SLC44A5: variants seen among roughly 807,000 people sequenced by gnomAD.
SLC44A5 encodes solute carrier family 44 member 5.
In SLC44A5, 57 loss-of-function variants were observed where a neutral mutation model predicts 101.8. The ratio of observed to expected loss-of-function variants is 0.56; its 90% CI spans 0.45 to 0.70. The LOEUF is 0.70. Ranked by LOEUF, SLC44A5 falls within the 30% of genes least tolerant of loss-of-function variation. SLC44A5 has a pLI of 0.00. For missense variants in SLC44A5, 737 were observed against 853.1 expected (o/e 0.86, Z 1.70); for synonymous variants, 281 against 290.9 (o/e 0.97, Z 0.35).
the SLC44A5 span, among the ~76,000 whole-genome samples, chr1:75,672,134 C>A: frequency 6.6e-6 from 1 of 152,086 alleles, no homozygotes; most frequent in Non-Finnish European, 1.5e-5. Context: ...GTTTGCCATG[C>A]AAACCAACAA....
At chr1:75,265,709 T>C (rs1650928046) in intron 6 of SLC44A5, among the ~76,000 whole-genome samples, 1 of 152,190 alleles carries the variant, frequency 6.6e-6, no homozygotes, top group African/African-American at 2.4e-5. Context: ...ATATTACATA[T>C]CAGTTTTAAA....
chr1:75,319,580 T>C (rs1426912700), intron 4 of SLC44A5, among the ~76,000 whole-genome samples: 1 of 152,132 alleles, frequency 6.6e-6, no homozygotes, highest in Non-Finnish European at 1.5e-5. Context: ...AGTTCTGCCT[T>C]TTTTTCTCCT....
chr1:75,330,138 C>CATAT (rs1656919589), intron 4 of SLC44A5, among the ~76,000 whole-genome samples: 5 of 137,074 alleles, frequency 3.6e-5, no homozygotes, highest in African/African-American at 6.3e-5. Context: ...CACACACACA[C>CATAT]ACATGCATAT....
chr1:75,662,248 C>A, the SLC44A5 span, among the ~76,000 whole-genome samples: 1 of 151,962 alleles, frequency 6.6e-6, no homozygotes, highest in African/African-American at 2.4e-5. Context: ...ATAAGATAGG[C>A]ACTAAAAGAC....
At chr1:75,479,411 C>G (rs1570404627) in intron 2 of SLC44A5, among the ~76,000 whole-genome samples, 1 of 151,984 alleles carries the variant, frequency 6.6e-6, no homozygotes, top group Non-Finnish European at 1.5e-5. Flanking sequence ...CAGAGCAGAA[C>G]TGAAGGAAAT....
chr1:75,456,062 C>T (rs1936357), intron 2 of SLC44A5, among the ~76,000 whole-genome samples: 88,752 of 151,864 alleles, frequency 0.58, 26,673 homozygotes, highest in East Asian at 0.96. Flanking sequence ...ATGTACTTCC[C>T]TGTTCACTGC....
At chr1:75,657,702 G>T in the SLC44A5 span, among the ~76,000 whole-genome samples, 1 of 151,842 alleles carries the variant, frequency 6.6e-6, no homozygotes, top group African/African-American at 2.4e-5. Flanking sequence ...ATAATTAAGG[G>T]GTCAATTCAG....
At chr1:75,577,872 T>A (rs983339317) in intron 1 of SLC44A5, among the ~76,000 whole-genome samples, 10 of 152,178 alleles carry the variant, frequency 6.6e-5, no homozygotes, top group South Asian at 6.2e-4. Flanking sequence ...GTACAATAAA[T>A]GTTAGTTGTT....
At chr1:75,245,216 T>G (rs1385765854) in intron 7 of SLC44A5, among the ~76,000 whole-genome samples, 1 of 152,138 alleles carries the variant, frequency 6.6e-6, no homozygotes, top group Non-Finnish European at 1.5e-5. Flanking sequence ...TTCCTCTTTC[T>G]TAGTCTCTCA....
intron 2 of SLC44A5, among the ~76,000 whole-genome samples, chr1:75,512,612 ATG>A (rs769971265): frequency 1.3e-5 from 2 of 152,224 alleles, no homozygotes; most frequent in Non-Finnish European, 2.9e-5. Context: ...CATGAAGCTA[ATG>A]AGAGAGACAA....
At chr1:75,304,465 AT>A in intron 4 of SLC44A5, among the ~76,000 whole-genome samples, 1 of 152,318 alleles carries the variant, frequency 6.6e-6, no homozygotes, top group East Asian at 1.9e-4. Flanking sequence ...AAATCAAAAT[AT>A]AGCTTGGGCA....
At chr1:75,406,368 C>A (rs926189175) in intron 2 of SLC44A5, among the ~76,000 whole-genome samples, 1 of 152,096 alleles carries the variant, frequency 6.6e-6, no homozygotes, top group Admixed American at 6.5e-5. Flanking sequence ...TTTATGAGAC[C>A]AGCATCATCC....
At chr1:75,312,830 T>C (rs906474378) in intron 4 of SLC44A5, among the ~76,000 whole-genome samples, 1 of 152,118 alleles carries the variant, frequency 6.6e-6, no homozygotes, top group Non-Finnish European at 1.5e-5. Flanking sequence ...CAACATTTCA[T>C]ATGTTAAAGG....
chr1:75,478,420 A>G (rs1167616903), intron 2 of SLC44A5, among the ~76,000 whole-genome samples: 1 of 152,252 alleles, frequency 6.6e-6, no homozygotes, highest in Non-Finnish European at 1.5e-5. Context: ...TTAAATGTAA[A>G]TGGACTAAAT....
At chr1:75,388,701 C>T (rs139022022) in intron 3 of SLC44A5, among the ~76,000 whole-genome samples, 1 of 151,860 alleles carries the variant, frequency 6.6e-6, no homozygotes, top group Non-Finnish European at 1.5e-5. Flanking sequence ...ATGGCATGAA[C>T]CCGGGAGGCA....
chr1:75,639,827 T>G, the SLC44A5 span, among the ~76,000 whole-genome samples: 1 of 152,022 alleles, frequency 6.6e-6, no homozygotes. Flanking sequence ...TTCTGATATC[T>G]CCTGATATCT....
chr1:75,579,826 T>TACAC (rs6143284), intron 1 of SLC44A5, among the ~76,000 whole-genome samples: 2 of 150,064 alleles, frequency 1.3e-5, no homozygotes, highest in African/African-American at 2.4e-5. Context: ...TTCAACTATC[T>TACAC]ACACACACAC....
chr1:75,307,869 T>G (rs1655026623), intron 4 of SLC44A5, among the ~76,000 whole-genome samples: 1 of 152,212 alleles, frequency 6.6e-6, no homozygotes, highest in African/African-American at 2.4e-5. Context: ...AGGTTAAAGA[T>G]TATCTTGAAG....
At chr1:75,427,858 G>A (rs762683192) in intron 2 of SLC44A5, among the ~76,000 whole-genome samples, 96 of 152,218 alleles carry the variant, frequency 6.3e-4, no homozygotes, top group Non-Finnish European at 1.1e-3. Flanking sequence ...ACTCAGGAAT[G>A]CATGACAGTC....
Sources: gnomAD v4.1 joint callset for allele counts (sites outside exome capture counted in the v4.1 genomes callset) on GRCh38, gnomAD v4.1.1 for gene constraint, MANE v1.5 for transcripts, NCBI Gene and HGNC (gene_info 2026-07-23, HGNC 2026-07-21) for gene names.